ARHGAP15: variants seen among roughly 807,000 people sequenced by gnomAD.
The protein encoded by ARHGAP15 is Rho GTPase activating protein 15.
In ARHGAP15, 51 loss-of-function variants were observed where a neutral mutation model predicts 63.7. That is an observed-to-expected ratio of 0.80 (90% CI 0.64 to 1.01). ARHGAP15 has a LOEUF of 1.01. Ranked by LOEUF, ARHGAP15 falls within the 50% of genes least tolerant of loss-of-function variation. The probability of loss-of-function intolerance (pLI) is 0.00; values close to 1 mark genes in which losing one functional copy is unlikely to be tolerated. For missense variants in ARHGAP15, 560 were observed against 564.6 expected (o/e 0.99, Z 0.08); for synonymous variants, 191 against 193.8 (o/e 0.99, Z 0.12).
At chr2:143,291,731 G>C (rs1682410620) in intron 6 of ARHGAP15, among the ~76,000 whole-genome samples, 1 of 151,980 alleles carries the variant, frequency 6.6e-6, no homozygotes, top group Non-Finnish European at 1.5e-5. Context: ...AATTTGAATG[G>C]GCTGATTTGA....
At chr2:143,287,838 C>A (rs1341414172) in intron 6 of ARHGAP15, among the ~76,000 whole-genome samples, 2 of 152,072 alleles carry the variant, frequency 1.3e-5, no homozygotes. Context: ...ATGTCTGAGA[C>A]TTCTGCTCTG....
intron 9 of ARHGAP15, among the ~76,000 whole-genome samples, chr2:143,492,560 T>C (rs988954594): frequency 2.6e-5 from 4 of 151,674 alleles, no homozygotes; most frequent in African/African-American, 9.7e-5. Context: ...GGGTTCAAGA[T>C]GAGCCTGGGC....
chr2:143,247,199 T>C (rs1010897376), intron 5 of ARHGAP15: 2 of 152,390 alleles, frequency 1.3e-5, no homozygotes, highest in African/African-American at 4.8e-5. Flanking sequence ...CTTTGAGTTT[T>C]GGGTTGGATG....
intron 10 of ARHGAP15, among the ~76,000 whole-genome samples, chr2:143,538,955 G>C (rs938398397): frequency 1.3e-5 from 2 of 152,194 alleles, no homozygotes; most frequent in East Asian, 1.9e-4. Context: ...AGAAGGAATG[G>C]TACCAGTTCC....
At chr2:143,522,228 C>T (rs746837303) in intron 10 of ARHGAP15, among the ~76,000 whole-genome samples, 12 of 152,104 alleles carry the variant, frequency 7.9e-5, no homozygotes, top group Non-Finnish European at 1.3e-4. Context: ...ACTACCAGAG[C>T]ATTCTCCTTC....
intron 12 of ARHGAP15, among the ~76,000 whole-genome samples, chr2:143,669,517 T>C (rs1326513605): frequency 1.3e-5 from 2 of 152,162 alleles, no homozygotes; most frequent in African/African-American, 4.8e-5. Flanking sequence ...GCCACAAGTA[T>C]AGGTACCATG....
chr2:143,494,861 CTT>C (rs2104917532), intron 9 of ARHGAP15, among the ~76,000 whole-genome samples: 1 of 152,286 alleles, frequency 6.6e-6, no homozygotes, highest in Admixed American at 6.5e-5. Flanking sequence ...TTTATATTCT[CTT>C]GATAAACTGA....
At position 143,379,577 on chromosome 2, in the gene ARHGAP15, TTC is replaced by T. The variant is rs532401922; in HGVS notation, c.475-56018_475-56017del. 1.1e-4 allele frequency among the ~76,000 whole-genome samples: 16 copies of T among 146,178 alleles called. No individual in the cohort carries two copies. In the South Asian group the frequency reaches 2.2e-3, roughly 20 times the overall value. On this transcript the variant is annotated intron_variant, in intron 6 of 13. Transcript: ENST00000295095. ...CTTCATCATGGTATAGTTTACACAA[TTC>T]TCTCTTTAGTTTCCTGAAAAAGAAT...
At chr2:143,421,539 C>G (rs1021152856) in intron 6 of ARHGAP15, among the ~76,000 whole-genome samples, 4 of 151,786 alleles carry the variant, frequency 2.6e-5, no homozygotes, top group Non-Finnish European at 5.9e-5. Flanking sequence ...TCATTACTCC[C>G]TAGGCCAGAG....
At position 143,421,512 on chromosome 2, in the gene ARHGAP15, G is replaced by A. The variant is rs11901766; in HGVS notation, c.475-14089G>A. The stretch of plus-strand genomic sequence containing the variant: ...GAAAGAGAGCACATCAAGGAACAGG[G>A]CATGAAGATCACATCTTCATTACTC... On this transcript the variant is annotated intron_variant, in intron 6 of 13. Transcript: ENST00000295095. Among the ~76,000 whole-genome samples the A allele has an allele frequency of 8.4e-3, 1,280 of 151,854 alleles. 21 individuals are homozygous for A. Among genetic ancestry groups the A allele is most frequent in the African/African-American group, 0.03 (1,222 of 41,400 alleles).
rs982116362 is a variant in ARHGAP15, at chr2:143,260,912, C to T, written c.474+10312C>T. Among the ~76,000 whole-genome samples the T allele has an allele frequency of 4.6e-5, 7 of 152,072 alleles. No individual in the cohort carries two copies. The East Asian group carries it at 1.3e-3, about 29-fold the overall frequency. On this transcript the variant is annotated intron_variant, in intron 6 of 13. Coordinates refer to ENST00000295095, the MANE Select transcript of ARHGAP15 (RefSeq NM_018460.4). ...ATATGAACAACAACAACAATAAAAC[C>T]TTGCAAAGAAAGTAAAATCGATAAT... is the stretch of plus-strand genomic sequence containing the variant.
rs1423900201 is a variant in ARHGAP15, at chr2:143,331,970, G to T, written c.474+81370G>T. Among the ~76,000 whole-genome samples the T allele has an allele frequency of 2.0e-5, 3 of 152,000 alleles. No individual in the cohort carries two copies. The East Asian group carries it at 5.8e-4, about 29-fold the overall frequency. ...CATACATTTCTAGAGTTCTTTCTGT[G>T]CCTTTTTTCAAATTGTTTCTTGTCC... On this transcript the variant is annotated intron_variant, in intron 6 of 13. Coordinates refer to ENST00000295095, the MANE Select transcript of ARHGAP15 (RefSeq NM_018460.4).
intron 12 of ARHGAP15, among the ~76,000 whole-genome samples, chr2:143,668,050 A>T (rs1006191921): frequency 1.4e-4 from 20 of 141,384 alleles, no homozygotes; most frequent in African/African-American, 3.9e-4. Flanking sequence ...AGAAACATTT[A>T]AAAAAAAAAG....
intron 6 of ARHGAP15, among the ~76,000 whole-genome samples, chr2:143,428,248 G>T (rs1409914814): frequency 6.6e-6 from 1 of 152,012 alleles, no homozygotes; most frequent in Admixed American, 6.6e-5. Flanking sequence ...CTGCTCTAAA[G>T]TATGGGACAG....
At chr2:143,304,594 A>T (rs1011003560) in intron 6 of ARHGAP15, among the ~76,000 whole-genome samples, 2 of 152,192 alleles carry the variant, frequency 1.3e-5, no homozygotes, top group African/African-American at 4.8e-5. Flanking sequence ...CCTACAACTT[A>T]AAGTATATAA....
intron 6 of ARHGAP15, among the ~76,000 whole-genome samples, chr2:143,299,089 A>G (rs528977617): frequency 6.6e-6 from 1 of 152,060 alleles, no homozygotes; most frequent in African/African-American, 2.4e-5. Context: ...TTCAAGAGCA[A>G]GAGTATGTGT....
intron 5 of ARHGAP15, among the ~76,000 whole-genome samples, chr2:143,241,565 G>A (rs1052713397): frequency 6.6e-6 from 1 of 152,126 alleles, no homozygotes; most frequent in East Asian, 1.9e-4. Flanking sequence ...AAGTCTTTTC[G>A]CTCACATTCC....
chr2:143,161,260 G>A (rs1574029493), intron 2 of ARHGAP15, among the ~76,000 whole-genome samples: 3 of 151,900 alleles, frequency 2.0e-5, no homozygotes, highest in African/African-American at 7.2e-5. Flanking sequence ...TTCCAGAGGG[G>A]AGAAAAACAG....
At chr2:143,574,626 CGAG>C (rs1559059035) in intron 11 of ARHGAP15, among the ~76,000 whole-genome samples, 10 of 152,094 alleles carry the variant, frequency 6.6e-5, no homozygotes, top group African/African-American at 2.4e-4. Context: ...TTGGTTATGA[CGAG>C]CAGGGAGTGT....
Sources: allele counts gnomAD v4.1 joint callset (sites outside exome capture counted in the v4.1 genomes callset), GRCh38; gene constraint gnomAD v4.1.1; transcripts MANE v1.5; gene names NCBI Gene and HGNC (gene_info 2026-07-23, HGNC 2026-07-21).